CTRB1: variants seen among roughly 807,000 people sequenced by gnomAD.
CTRB1 encodes chymotrypsinogen B.
CTRB1 carries 15 observed loss-of-function variants against 20.4 expected under a neutral mutation model. The observed-to-expected ratio is 0.74, with a 90% CI of 0.49 to 1.13. The LOEUF (loss-of-function observed/expected upper bound fraction) is 1.13. Among genes scored for constraint, CTRB1 ranks in the 50% most tolerant of loss-of-function variants. The pLI, the probability that CTRB1 is intolerant of heterozygous loss-of-function variation, is 0.00. For missense variants in CTRB1, 227 were observed against 290.1 expected (o/e 0.78, Z 1.58); for synonymous variants, 92 against 128.4 (o/e 0.72, Z 1.92).
intron 1 of CTRB1, among the ~76,000 whole-genome samples, chr16:75,220,873 C>T (rs1173969796): frequency 6.6e-5 from 10 of 152,140 alleles, no homozygotes; most frequent in Admixed American, 5.2e-4. Context: ...TTTCTCCTGC[C>T]TCAGCCTCCT....
intron 1 of CTRB1, among the ~76,000 whole-genome samples, chr16:75,222,446 C>T (rs865898832): frequency 9.9e-5 from 15 of 152,198 alleles, no homozygotes; most frequent in East Asian, 3.9e-4. Context: ...TAGGGTCACA[C>T]GGCAAGGAAA....
chr16:75,220,191 T>C (rs1372185832), intron 1 of CTRB1, among the ~76,000 whole-genome samples: 1 of 151,598 alleles, frequency 6.6e-6, no homozygotes, highest in Non-Finnish European at 1.5e-5. Context: ...TATTTTTTTT[T>C]CTTTTCTTTG....
intron 1 of CTRB1, among the ~76,000 whole-genome samples, chr16:75,221,423 G>C (rs146202391): frequency 1.3e-5 from 2 of 152,094 alleles, no homozygotes; most frequent in Admixed American, 6.5e-5. Flanking sequence ...GCAGTGGCAC[G>C]ATCTCAGCTT....
Position 75,224,702 on chromosome 16 carries a change from C to T in CTRB1, c.631-3C>T. On this transcript the variant is annotated splice_polypyrimidine_tract_variant and splice_region_variant and intron_variant, in intron 6 of 6. Transcript: ENST00000361017. ...TCCAAGCCCCCTTCTCCCTCTCCCA[C>T]AGGGCGACTCTGGCGGCCCCCTGGT... The T allele has an allele frequency of 6.2e-7, 1 of 1,606,986 alleles. No individual in the cohort carries two copies. The highest frequency in any genetic ancestry group is 8.5e-7 in the Non-Finnish European group (1 of 1,177,210).
intron 6 of CTRB1, among the ~76,000 whole-genome samples, 164 bp downstream of exon 6, chr16:75,224,352 G>C (rs1410348961): frequency 1.3e-5 from 2 of 152,208 alleles, no homozygotes; most frequent in Admixed American, 1.3e-4. Context: ...ATGGCTCTTG[G>C]AGTTGTGCAG....
intron 1 of CTRB1, among the ~76,000 whole-genome samples, chr16:75,220,516 G>C (rs951050342): frequency 4.6e-5 from 7 of 152,098 alleles, no homozygotes; most frequent in African/African-American, 1.4e-4. Flanking sequence ...GGCTGGTCTC[G>C]AAATCCTGTG....
chr16:75,222,322 C>T (rs1272227688), intron 1 of CTRB1, among the ~76,000 whole-genome samples: 4 of 152,186 alleles, frequency 2.6e-5, no homozygotes, highest in African/African-American at 7.2e-5. Flanking sequence ...TTTCTTCCCA[C>T]TTCCCCTCTC....
intron 1 of CTRB1, among the ~76,000 whole-genome samples, chr16:75,221,018 C>G (rs188602638): frequency 1.3e-5 from 2 of 152,210 alleles, no homozygotes; most frequent in African/African-American, 4.8e-5. Flanking sequence ...GGCCTTCCAA[C>G]GTGCTCTTTC....
chr16:75,222,661 T>G, intron 1 of CTRB1, 107 bp from the exon 2 acceptor site: 1 of 1,277,518 alleles, frequency 7.8e-7, no homozygotes, highest in Non-Finnish European at 1.1e-6. Flanking sequence ...AGGGAGGTCC[T>G]GAGCTGGCTT....
chr16:75,220,577 G>A (rs559891181), intron 1 of CTRB1, among the ~76,000 whole-genome samples: 1 of 152,256 alleles, frequency 6.6e-6, no homozygotes, highest in African/African-American at 2.4e-5. Flanking sequence ...TTACAGGTGT[G>A]AGCCACTGTG....
At chr16:75,222,466 C>T (rs1403830494) in intron 1 of CTRB1, 3 of 472,152 alleles carry the variant, frequency 6.4e-6, no homozygotes, top group South Asian at 3.2e-5. Flanking sequence ...AGTGTGTCCT[C>T]GAGGCTGAGC....
intron 1 of CTRB1, 72 bp from the exon 2 acceptor site, chr16:75,222,696 G>A (rs1268689431): frequency 2.0e-6 from 3 of 1,479,844 alleles, no homozygotes; most frequent in Admixed American, 2.1e-5. Context: ...AGAACCGGGA[G>A]AGCTGCACGC....
rs1567568022 is a variant in CTRB1 at position 75,218,992 on chromosome 16, C to T, written c.-16C>T. 1.9e-6 allele frequency: 3 copies of T among 1,576,860 alleles called. No homozygotes were observed. Among genetic ancestry groups the T allele is most frequent in the East Asian group, 2.3e-5 (1 of 43,596 alleles). Reference sequence around the variant, plus strand: ...GCCCCGCAGCTGGCAGGCCCCACACCTTCTGAGGCAGCGGCATGGCTTCCC... The same window carrying T: ...GCCCCGCAGCTGGCAGGCCCCACACTTTCTGAGGCAGCGGCATGGCTTCCC... On this transcript the variant is annotated 5_prime_UTR_variant, in exon 1 of 7. Transcript: ENST00000361017.
chr16:75,221,886 C>A (rs182127124), intron 1 of CTRB1, among the ~76,000 whole-genome samples: 3,529 of 151,380 alleles, frequency 0.023, 94 homozygotes, highest in Middle Eastern at 0.1. Context: ...CACGGTGAAA[C>A]CCCGTCTCTA....
intron 1 of CTRB1, among the ~76,000 whole-genome samples, chr16:75,221,885 A>T (rs1375892803): frequency 1.3e-5 from 2 of 150,404 alleles, no homozygotes; most frequent in Admixed American, 1.3e-4. Context: ...ACACGGTGAA[A>T]CCCCGTCTCT....
At chr16:75,222,600 A>C in intron 1 of CTRB1, 168 bp from the exon 2 acceptor site, 1 of 683,646 alleles carries the variant, frequency 1.5e-6, no homozygotes, top group East Asian at 2.8e-5. Flanking sequence ...AGAGTTGGGA[A>C]CGTTTGAGCC....
At chr16:75,224,254 C>A (rs1234984279) in intron 6 of CTRB1, 66 bp downstream of exon 6, 6 of 1,522,538 alleles carry the variant, frequency 3.9e-6, no homozygotes, top group Non-Finnish European at 4.4e-6. Context: ...GGGCTTTCCA[C>A]CCCTCTCTGC....
At chr16:75,219,123 T>TGA (rs775120815) in intron 1 of CTRB1, 64 bp downstream of exon 1, 1 of 1,496,764 alleles carries the variant, frequency 6.7e-7, no homozygotes, top group Non-Finnish European at 9.1e-7. Flanking sequence ...GAGGGGGATC[T>TGA]GAGTCCCCTG....
At chr16:75,224,334 C>T in intron 6 of CTRB1, 146 bp downstream of exon 6, 1 of 1,457,728 alleles carries the variant, frequency 6.9e-7, no homozygotes, top group Admixed American at 2.0e-5. Flanking sequence ...TGGCCAATGT[C>T]AGAGCCAATG....
Sources: allele counts gnomAD v4.1 joint callset (sites outside exome capture counted in the v4.1 genomes callset), GRCh38; gene constraint gnomAD v4.1.1; transcripts MANE v1.5; gene names NCBI Gene and HGNC (gene_info 2026-07-23, HGNC 2026-07-21).